LMF1: variants seen among roughly 807,000 people sequenced by gnomAD.
The protein encoded by LMF1 is transmembrane protein 112.
A neutral mutation model predicts 60.6 loss-of-function variants in LMF1; 68 were observed. The observed-to-expected ratio is 1.12, with a 90% confidence interval of 0.92 to 1.37. The LOEUF (loss-of-function observed/expected upper bound fraction) is 1.37. Among genes scored for constraint, LMF1 ranks in the 40% most tolerant of loss-of-function variants. LMF1 has a pLI of 0.00. For synonymous variants in LMF1, 418 were observed against 324.7 expected, an observed-to-expected ratio of 1.29 and a Z score of -3.09; for missense variants, 948 against 767.2, an observed-to-expected ratio of 1.24 and a Z score of -2.78.
intron 3 of LMF1, among the ~76,000 whole-genome samples, chr16:913,737 C>T (rs969791048): frequency 5.3e-5 from 8 of 152,246 alleles, no homozygotes; most frequent in Non-Finnish European, 1.0e-4. Flanking sequence ...GAAACAAGGA[C>T]GCAGCCTCAT....
intron 3 of LMF1, among the ~76,000 whole-genome samples, chr16:913,418 C>G (rs950272787): frequency 1.3e-5 from 2 of 152,274 alleles, no homozygotes; most frequent in Non-Finnish European, 1.5e-5. Context: ...CAGGGAGATG[C>G]TCCTGAGCCC....
At chr16:900,329 G>C (rs369522660) in intron 4 of LMF1, 6 of 152,200 alleles carry the variant, frequency 3.9e-5, no homozygotes, top group Non-Finnish European at 5.9e-5. Context: ...TTGTGTTAAT[G>C]AGGACCAAGA....
intron 5 of LMF1, 90 bp from the exon 6 acceptor site, chr16:879,827 C>A: frequency 7.7e-7 from 1 of 1,305,776 alleles, no homozygotes; most frequent in Non-Finnish European, 1.1e-6. Flanking sequence ...CCCCTGACCC[C>A]GGCTCCTACT....
chr16:930,072 TCA>T (rs1440261151), intron 3 of LMF1, among the ~76,000 whole-genome samples: 12 of 134,314 alleles, frequency 8.9e-5, no homozygotes, highest in South Asian at 2.4e-4. Context: ...ACAGCAGTGG[TCA>T]CGTCCGTCTG....
chr16:910,793 G>A (rs767674855), intron 4 of LMF1, 138 bp downstream of exon 4: 32 of 1,049,804 alleles, frequency 3.0e-5, no homozygotes, highest in Non-Finnish European at 3.7e-5. Context: ...AGAAGAGTGC[G>A]CAGCTGGCCA....
chr16:944,233 C>G (rs1292562125), intron 2 of LMF1, among the ~76,000 whole-genome samples: 1 of 151,920 alleles, frequency 6.6e-6, no homozygotes, highest in African/African-American at 2.4e-5. Flanking sequence ...CTAAGGTCAC[C>G]ACTCCCTACC....
intron 2 of LMF1, among the ~76,000 whole-genome samples, chr16:944,756 T>C (rs939236171): frequency 6.6e-6 from 1 of 152,200 alleles, no homozygotes; most frequent in Non-Finnish European, 1.5e-5. Context: ...TTGCCCTGTC[T>C]ACGGCCCCTC....
At chr16:979,667 C>T (rs1046627785) in intron 1 of LMF1, 19 of 453,988 alleles carry the variant, frequency 4.2e-5, no homozygotes, top group Admixed American at 3.8e-4. Flanking sequence ...CCTGCCTGCT[C>T]GCAGACCTAA....
At chr16:856,623 C>G (rs1282495204) in intron 10 of LMF1, among the ~76,000 whole-genome samples, 4 of 152,214 alleles carry the variant, frequency 2.6e-5, no homozygotes, top group Non-Finnish European at 4.4e-5. Flanking sequence ...GGCCTGGTCT[C>G]TGACATCAAG....
At chr16:923,666 T>G (rs1217412612) in intron 3 of LMF1, among the ~76,000 whole-genome samples, 2 of 152,074 alleles carry the variant, frequency 1.3e-5, no homozygotes, top group Non-Finnish European at 2.9e-5. Flanking sequence ...CTCAATACAA[T>G]GAGGTCACCT....
chr16:925,949 TGTGTGCAC>T (rs980975563), intron 3 of LMF1, among the ~76,000 whole-genome samples: 16 of 152,250 alleles, frequency 1.1e-4, no homozygotes, highest in Admixed American at 2.6e-4. Context: ...TATGTGTCTG[TGTGTGCAC>T]GTGTGCACGT....
At position 954,577 on chromosome 16, in the gene LMF1, G is replaced by A. The variant is rs764008007; in HGVS notation, c.283C>T (p.Gln95Ter). Residue 95 changes from glutamine to a stop codon, truncating the protein, a stop_gained, in exon 2 of 11, where the codon CAG becomes TAG. Transcript: ENST00000262301. LOFTEE classifies it high-confidence loss of function. ...LPCRVFLKNF[Q>*]QYFQDRTSWE... The stretch of plus-strand genomic sequence containing the variant: ...CTCGTCCTGTCCTGGAAGTACTGCT[G>A]GAAGTTCTTCAGGAACACTCTGCAG... The A allele has an allele frequency of 1.2e-6, 2 of 1,613,218 alleles. No homozygotes were observed. Among genetic ancestry groups the A allele is most frequent in the Non-Finnish European group, 1.7e-6 (2 of 1,179,776 alleles).
intron 2 of LMF1, among the ~76,000 whole-genome samples, chr16:948,849 A>G (rs1464371673): frequency 8.6e-6 from 1 of 116,734 alleles, no homozygotes. Flanking sequence ...AGCCAACGAC[A>G]GAGTCAGCCA....
chr16:946,076 G>A (rs575280359), intron 2 of LMF1, among the ~76,000 whole-genome samples: 1 of 152,340 alleles, frequency 6.6e-6, no homozygotes, highest in East Asian at 1.9e-4. Flanking sequence ...CAAGCTAATG[G>A]TGGACACAGA....
At chr16:914,607 C>T in intron 3 of LMF1, among the ~76,000 whole-genome samples, 7 of 152,266 alleles carry the variant, frequency 4.6e-5, no homozygotes, top group African/African-American at 2.4e-5. Flanking sequence ...GTGACACACT[C>T]CCTCCCTCCC....
chr16:979,714 G>A, intron 1 of LMF1: 1 of 454,126 alleles, frequency 2.2e-6, no homozygotes. Flanking sequence ...AGCTCTCCAC[G>A]GAGGTCCTCA....
chr16:916,239 T>C (rs955592833), intron 3 of LMF1, among the ~76,000 whole-genome samples: 1 of 152,148 alleles, frequency 6.6e-6, no homozygotes, highest in Non-Finnish European at 1.5e-5. Flanking sequence ...ATAGCACAGA[T>C]GGATCCTTCA....
upstream of LMF1, among the ~76,000 whole-genome samples, chr16:972,999 G>A (rs962665944): frequency 2.0e-5 from 3 of 152,216 alleles, no homozygotes; most frequent in African/African-American, 7.2e-5. Flanking sequence ...CAGCAGCTCT[G>A]GTCGTGCCCA....
chr16:854,050 G>T lies in LMF1; in HGVS notation c.*482C>A. On this transcript the variant is annotated 3_prime_UTR_variant, in exon 11 of 11. Transcript: ENST00000262301. The stretch of plus-strand genomic sequence containing the variant: ...CCAGGTCCCTGTGGGGCGAGGGTTT[G>T]GCTGCCCCAGACGTGACAGGGACTT... The T allele has an allele frequency of 2.2e-6, 1 of 455,180 alleles. No homozygotes were observed. Among genetic ancestry groups the T allele is most frequent in the Non-Finnish European group, 4.4e-6 (1 of 227,588 alleles). The allele number at this position is 455,180 out of a possible 1,614,324, so 28.2% of individuals were successfully genotyped here. A position where few individuals can be genotyped will look rare whatever the true frequency, so the allele number is the denominator to read the frequency against.
Sources: allele counts gnomAD v4.1 joint callset (sites outside exome capture counted in the v4.1 genomes callset), GRCh38; gene constraint gnomAD v4.1.1; transcripts MANE v1.5; gene names NCBI Gene and HGNC (gene_info 2026-07-23, HGNC 2026-07-21).